RNF150: variants seen among roughly 807,000 people sequenced by gnomAD.
RNF150 encodes the protein ring finger protein 150.
RNF150 carries 24 observed loss-of-function variants against 39.3 expected under a neutral mutation model. The observed-to-expected ratio is 0.61, with a 90% CI of 0.44 to 0.86. RNF150 has a LOEUF of 0.86. Ranked by LOEUF, RNF150 falls within the 40% of genes least tolerant of loss-of-function variation. The pLI is 0.00. For missense variants in RNF150, 502 were observed against 587.8 expected, an observed-to-expected ratio of 0.85 and a Z score of 1.51; for synonymous variants, 255 against 227.3, an observed-to-expected ratio of 1.12 and a Z score of -1.10.
chr4:140,879,928 A>G (rs532632146), intron 6 of RNF150, among the ~76,000 whole-genome samples: 1 of 152,326 alleles, frequency 6.6e-6, no homozygotes, highest in South Asian at 2.1e-4. Context: ...ATATAAGATC[A>G]TGTCATTTTG....
chr4:140,978,740 C>G (rs1361584224), intron 1 of RNF150, among the ~76,000 whole-genome samples: 1 of 152,058 alleles, frequency 6.6e-6, no homozygotes, highest in Non-Finnish European at 1.5e-5. Flanking sequence ...TAGAGATTCA[C>G]CTGTAGGGTT....
chr4:141,114,956 A>G (rs557526531), intron 1 of RNF150, among the ~76,000 whole-genome samples: 1 of 152,360 alleles, frequency 6.6e-6, no homozygotes, highest in African/African-American at 2.4e-5. Flanking sequence ...TTCATGATAA[A>G]AACACTCAAT....
At chr4:140,944,961 G>T (rs1212335006) in intron 4 of RNF150, among the ~76,000 whole-genome samples, 3 of 152,198 alleles carry the variant, frequency 2.0e-5, no homozygotes, top group African/African-American at 2.4e-5. Flanking sequence ...ACAGCAACAG[G>T]CATAAAAATA....
intron 1 of RNF150, among the ~76,000 whole-genome samples, chr4:141,086,047 C>T (rs932648933): frequency 3.0e-4 from 46 of 151,596 alleles, no homozygotes; most frequent in Non-Finnish European, 6.2e-4. Flanking sequence ...CACACACACA[C>T]ACACACACAC....
intron 1 of RNF150, among the ~76,000 whole-genome samples, chr4:141,063,645 A>T (rs3913897): frequency 0.71 from 107,670 of 152,122 alleles, 39,721 homozygotes; most frequent in Non-Finnish European, 0.82. Context: ...TTGTTTTATT[A>T]TAGCTTTTCA....
chr4:140,923,165 C>A lies in RNF150; in HGVS notation c.987+2812G>T, dbSNP rs913310663. ...ACCTTCTGCACAGCAAAACAAACCACCATCAGGGTGAACAGGCAACCTACA... is the reference window on the plus strand; with the variant it reads ...ACCTTCTGCACAGCAAAACAAACCAACATCAGGGTGAACAGGCAACCTACA... On this transcript the variant is annotated intron_variant, in intron 5 of 6. Coordinates refer to ENST00000515673, the MANE Select transcript of RNF150 (RefSeq NM_020724.2). 1.8e-4 allele frequency among the ~76,000 whole-genome samples: 27 copies of A among 152,204 alleles called. No homozygotes were observed. In the East Asian group the frequency reaches 3.1e-3, roughly 17 times the overall value.
At chr4:140,920,015 A>C (rs547775261) in intron 5 of RNF150, among the ~76,000 whole-genome samples, 1 of 152,316 alleles carries the variant, frequency 6.6e-6, no homozygotes, top group Non-Finnish European at 1.5e-5. Flanking sequence ...TCCCTTCCTT[A>C]CGTCGTATAC....
chr4:141,018,109 G>A (rs1735349128), intron 1 of RNF150, among the ~76,000 whole-genome samples: 1 of 152,152 alleles, frequency 6.6e-6, no homozygotes, highest in Non-Finnish European at 1.5e-5. Flanking sequence ...ATAGAAAGCA[G>A]GCTCAAAGAT....
At chr4:141,170,366 C>T (rs1727692940) in intron 1 of RNF150, among the ~76,000 whole-genome samples, 1 of 152,080 alleles carries the variant, frequency 6.6e-6, no homozygotes, top group South Asian at 2.1e-4. Flanking sequence ...TTTATTGGAA[C>T]ATGAATCACC....
chr4:141,055,171 T>C (rs150535927), intron 1 of RNF150, among the ~76,000 whole-genome samples: 11 of 152,236 alleles, frequency 7.2e-5, no homozygotes, highest in African/African-American at 2.2e-4. Flanking sequence ...AAAATGAAGA[T>C]TGGTTAGTAA....
At position 141,088,583 on chromosome 4, in the gene RNF150, A is replaced by T. The variant is rs1304837504; in HGVS notation, c.484+43742T>A. Among the ~76,000 whole-genome samples, 2 of 152,100 alleles carry T rather than the reference A, an allele frequency of 1.3e-5. 1 individual carries two copies. The highest frequency in any genetic ancestry group is 3.8e-4 in the East Asian group (2 of 5,196). On this transcript the variant is annotated intron_variant, in intron 1 of 6. Coordinates refer to ENST00000515673, the MANE Select transcript of RNF150 (RefSeq NM_020724.2). The stretch of plus-strand genomic sequence containing the variant: ...GGGAAATTCAACTACGTCTTTTTTT[A>T]AATGTTGGTTACCTGCAAATTTGGC...
chr4:140,950,132 C>T (rs1404917763), intron 2 of RNF150, among the ~76,000 whole-genome samples: 1 of 152,106 alleles, frequency 6.6e-6, no homozygotes, highest in African/African-American at 2.4e-5. Context: ...AAATTTTAAT[C>T]TGTCAAGCAA....
intron 6 of RNF150, among the ~76,000 whole-genome samples, chr4:140,898,361 T>A (rs77599016): frequency 8.6e-5 from 13 of 151,422 alleles, no homozygotes; most frequent in Admixed American, 8.6e-4. Flanking sequence ...AGGAGACCCA[T>A]GATGAGAAAT....
chr4:141,075,801 T>C (rs1447671566), intron 1 of RNF150, among the ~76,000 whole-genome samples: 1 of 152,178 alleles, frequency 6.6e-6, no homozygotes, highest in African/African-American at 2.4e-5. Context: ...TAGCAGAAGA[T>C]AATTTTCTCA....
intron 1 of RNF150, among the ~76,000 whole-genome samples, chr4:141,044,029 A>C (rs1736466594): frequency 6.6e-6 from 1 of 152,208 alleles, no homozygotes. Flanking sequence ...ATAGGGTTGA[A>C]GTAAATGTAT....
At chr4:141,207,994 A>G (rs1232423880) in intron 1 of RNF150, among the ~76,000 whole-genome samples, 1 of 152,236 alleles carries the variant, frequency 6.6e-6, no homozygotes, top group Non-Finnish European at 1.5e-5. Flanking sequence ...AACAAAAGTC[A>G]GGAAAACTGC....
At chr4:140,882,869 C>A (rs907640317) in intron 6 of RNF150, among the ~76,000 whole-genome samples, 2 of 152,024 alleles carry the variant, frequency 1.3e-5, no homozygotes, top group African/African-American at 4.8e-5. Flanking sequence ...TTTATTTAGT[C>A]TTTTGATCTG....
At chr4:141,192,306 C>T (rs1728123155) in intron 1 of RNF150, among the ~76,000 whole-genome samples, 1 of 152,096 alleles carries the variant, frequency 6.6e-6, no homozygotes, top group South Asian at 2.1e-4. Flanking sequence ...GAGTCAGGTA[C>T]TCAAAAATGC....
chr4:141,135,981 A>T (rs1727021239), upstream of RNF150, among the ~76,000 whole-genome samples: 1 of 152,218 alleles, frequency 6.6e-6, no homozygotes, highest in Non-Finnish European at 1.5e-5. Context: ...TCTAGACATA[A>T]GGAAACAATG....
Sources: allele counts gnomAD v4.1 joint callset (sites outside exome capture counted in the v4.1 genomes callset), GRCh38; gene constraint gnomAD v4.1.1; transcripts MANE v1.5; gene names NCBI Gene and HGNC (gene_info 2026-07-23, HGNC 2026-07-21).